The following NFIB variants were observed in gnomAD, a reference collection of about 807,000 sequenced individuals.
NFIB encodes the protein nuclear factor I B.
NFIB carries 11 observed loss-of-function variants against 61.5 expected under a neutral mutation model. That is an observed-to-expected ratio of 0.18 (90% CI 0.11 to 0.30). The LOEUF is 0.30. NFIB is among the 10% of genes least tolerant of loss of function. The pLI, the probability that NFIB is intolerant of heterozygous loss-of-function variation, is 1.00. For synonymous variants in NFIB, 260 were observed against 216.5 expected, an observed-to-expected ratio of 1.20 and a Z score of -1.76; for missense variants, 471 against 608.9, an observed-to-expected ratio of 0.77 and a Z score of 2.38.
chr9:14,331,355 C>T (rs1351465393), intron 1 of NFIB, among the ~76,000 whole-genome samples: 3 of 152,212 alleles, frequency 2.0e-5, no homozygotes. Flanking sequence ...GAATGGGGCC[C>T]AGTCACAGGA....
chr9:14,329,138 C>T (rs1322909065), intron 1 of NFIB, among the ~76,000 whole-genome samples: 2 of 152,146 alleles, frequency 1.3e-5, no homozygotes, highest in African/African-American at 4.8e-5. Context: ...GTGTACAGTT[C>T]TTGATCTAGA....
chr9:14,530,984 A>G, the NFIB span, among the ~76,000 whole-genome samples: 1 of 152,262 alleles, frequency 6.6e-6, no homozygotes, highest in Non-Finnish European at 1.5e-5. Context: ...TTTAATAGTC[A>G]TATGAAATGC....
chr9:14,123,116 G>A (rs978796880), intron 7 of NFIB, among the ~76,000 whole-genome samples: 21 of 151,814 alleles, frequency 1.4e-4, no homozygotes, highest in African/African-American at 4.8e-4. Flanking sequence ...AATTAGCTGA[G>A]CGGGGTGGTG....
intron 2 of NFIB, among the ~76,000 whole-genome samples, chr9:14,228,999 T>C (rs1471978830): frequency 6.6e-6 from 1 of 151,718 alleles, no homozygotes; most frequent in African/African-American, 2.4e-5. Flanking sequence ...ACCACCTACT[T>C]GTAAAAACGC....
chr9:14,320,489 C>T (rs1468069957), intron 1 of NFIB, among the ~76,000 whole-genome samples: 1 of 152,156 alleles, frequency 6.6e-6, no homozygotes, highest in Non-Finnish European at 1.5e-5. Context: ...ATCTCTCATA[C>T]CATTAAATGA....
chr9:14,287,836 G>C (rs980290330), intron 2 of NFIB, among the ~76,000 whole-genome samples: 2 of 151,984 alleles, frequency 1.3e-5, no homozygotes, highest in Admixed American at 6.6e-5. Context: ...TTTTATTGTT[G>C]GGTGTGTCAC....
chr9:14,170,723 T>C (rs2045475168), intron 3 of NFIB, among the ~76,000 whole-genome samples: 1 of 152,016 alleles, frequency 6.6e-6, no homozygotes, highest in African/African-American at 2.4e-5. Context: ...CATCACAACC[T>C]CACCTAGAGG....
intron 3 of NFIB, among the ~76,000 whole-genome samples, chr9:14,167,818 A>C (rs1458861656): frequency 6.6e-6 from 1 of 152,168 alleles, no homozygotes; most frequent in Non-Finnish European, 1.5e-5. Context: ...ATTCATGGTC[A>C]AGTGAACTCT....
chr9:14,271,205 C>T (rs1158848329), intron 2 of NFIB, among the ~76,000 whole-genome samples: 1 of 140,426 alleles, frequency 7.1e-6, no homozygotes, highest in African/African-American at 2.6e-5. Context: ...TACTTCTCCT[C>T]CCCCTTCTCC....
chr9:14,443,277 T>A, the NFIB span, among the ~76,000 whole-genome samples: 1 of 152,014 alleles, frequency 6.6e-6, no homozygotes, highest in South Asian at 2.1e-4. Flanking sequence ...CCATCCTCCA[T>A]CCTCAGCTAT....
At chr9:14,494,174 T>A in the NFIB span, among the ~76,000 whole-genome samples, 2 of 152,236 alleles carry the variant, frequency 1.3e-5, no homozygotes, top group African/African-American at 2.4e-5. Flanking sequence ...TTTGTCCATT[T>A]GCCTATGGTT....
intron 1 of NFIB, chr9:14,362,887 C>G (rs1279364692): frequency 6.6e-6 from 1 of 151,910 alleles, no homozygotes; most frequent in East Asian, 1.9e-4. Flanking sequence ...CAGAGTGAGG[C>G]TCTGTTTCCA....
At chr9:14,098,504 G>A (rs1267391494) in intron 10 of NFIB, among the ~76,000 whole-genome samples, 1 of 152,120 alleles carries the variant, frequency 6.6e-6, no homozygotes, top group African/African-American at 2.4e-5. Context: ...GCTATATTCT[G>A]ACTATCACTT....
At chr9:14,451,074 A>G in the NFIB span, among the ~76,000 whole-genome samples, 1 of 152,226 alleles carries the variant, frequency 6.6e-6, no homozygotes, top group Non-Finnish European at 1.5e-5. Flanking sequence ...ACCTCGGTGA[A>G]GCCTGAATCC....
At position 14,307,763 on chromosome 9, in the gene NFIB, A is replaced by C. The variant is rs1273460653; in HGVS notation, c.31-243T>G. On this transcript the variant is annotated intron_variant, in intron 1 of 10. Coordinates refer to ENST00000380953, the MANE Select transcript of NFIB (RefSeq NM_001190737.2). This position sits in a 1 kb window ranked among gnomAD's most constrained non-coding sequence, Gnocchi z 5.3. ...AATTCTCCCTCCTATAAAGGAAATA[A>C]GGTTTATATTTTGTATTACACTCTG... The C allele has an allele frequency of 1.5e-5, 6 of 397,194 alleles. No individual in the cohort carries two copies. The Admixed American group carries it at 2.1e-4, about 14-fold the overall frequency. The allele number at this position is 397,194 out of a possible 1,614,324, so 24.6% of individuals were successfully genotyped here.
At chr9:14,248,367 C>T (rs537924442) in intron 2 of NFIB, among the ~76,000 whole-genome samples, 1 of 151,320 alleles carries the variant, frequency 6.6e-6, no homozygotes, top group East Asian at 2.0e-4. Flanking sequence ...GTCTCCCAGG[C>T]TCAAGTGATC....
At chr9:14,354,653 G>C in intron 1 of NFIB, among the ~76,000 whole-genome samples, 1 of 152,192 alleles carries the variant, frequency 6.6e-6, no homozygotes, top group Non-Finnish European at 1.5e-5. Flanking sequence ...TAATTATGTA[G>C]TCGCTGAGGG....
chr9:14,419,497 T>C, the NFIB span, among the ~76,000 whole-genome samples: 5 of 152,138 alleles, frequency 3.3e-5, no homozygotes, highest in South Asian at 2.1e-4. Context: ...CTGCGTCTAG[T>C]TGAATGCTCT....
chr9:14,216,276 G>C lies in NFIB; in HGVS notation c.563-36496C>G, dbSNP rs569756593. On this transcript the variant is annotated intron_variant, in intron 2 of 10. Transcript: ENST00000380953. ...AATCATGTGCAAAGAAATACAATTT[G>C]GCACTCAGGCTGAGCTTATCCCACT... 9.9e-5 allele frequency among the ~76,000 whole-genome samples: 15 copies of C among 152,140 alleles called. No individual in the cohort carries two copies. The South Asian group carries it at 3.1e-3, about 32-fold the overall frequency.
Sources: allele counts gnomAD v4.1 joint callset (sites outside exome capture counted in the v4.1 genomes callset), GRCh38; gene constraint gnomAD v4.1.1; non-coding constraint Gnocchi (gnomAD v3.1); transcripts MANE v1.5; gene names NCBI Gene and HGNC (gene_info 2026-07-23, HGNC 2026-07-21).